Variants in LAIR1 observed in about 807,000 individuals in gnomAD.
The protein encoded by LAIR1 is leukocyte-associated immunoglobulin-like receptor 1.
LAIR1 carries 24 observed loss-of-function variants against 32.8 expected under a neutral mutation model. The observed-to-expected ratio is 0.73, with a 90% CI of 0.53 to 1.03. LAIR1 has a LOEUF of 1.03. Ranked by LOEUF, LAIR1 falls within the 50% of genes least tolerant of loss-of-function variation. The pLI is 0.00. For synonymous variants in LAIR1, 150 were observed against 140.5 expected (o/e 1.07, Z -0.48); for missense variants, 355 against 347.5 (o/e 1.02, Z -0.17).
At chr19:54,368,583 C>G (rs575874947), upstream of LAIR1, 12 of 152,324 alleles carry the variant, frequency 7.9e-5, no homozygotes, top group African/African-American at 2.9e-4. Flanking sequence ...AGCTGTGAAA[C>G]CACCAACATA....
Position 54,356,514 on chromosome 19 carries a change from T to C in LAIR1, c.560A>G (p.His187Arg). Residue 187 changes from histidine to arginine, a missense_variant, in exon 6 of 10, where the codon CAT (histidine) becomes CGT (arginine). Physicochemically the swap from His to Arg is conservative, Grantham distance 29 (BLOSUM62 0). Coordinates refer to ENST00000391742, the MANE Select transcript of LAIR1 (RefSeq NM_002287.6). ...CLLLLVLFCL[H>R]RQNQIKQGPP... ...ACCCTGCTTTATCTGATTCTGGCGA[T>C]GGAGGCAGAAGAGGACCAGGAGGAG... The C allele has an allele frequency of 5.0e-6, 8 of 1,613,772 alleles. No individual in the cohort carries two copies. The highest frequency in any genetic ancestry group is 5.9e-6 in the Non-Finnish European group (7 of 1,179,922).
chr19:54,361,112 T>C lies in LAIR1; in HGVS notation c.168A>G (p.Gln56=). The change falls in exon 3 of 10, where the codon CAA becomes CAG. Residue 56 remains glutamine, a synonymous_variant. Coordinates refer to ENST00000391742, the MANE Select transcript of LAIR1 (RefSeq NM_002287.6). Reference sequence around the variant, plus strand: ...TACTGTCCCTCTCCAGGCGGAATGTTTGAACCCCAACCGGGCCCCGGCACA... The same window carrying C: ...TACTGTCCCTCTCCAGGCGGAATGTCTGAACCCCAACCGGGCCCCGGCACA... ...TFVCRGPVGV[Q]TFRLERDSRS... is the part of the protein sequence containing the mutation. The C allele has an allele frequency of 1.2e-6, 2 of 1,614,198 alleles. No homozygotes were observed. Among genetic ancestry groups the C allele is most frequent in the Non-Finnish European group, 1.7e-6 (2 of 1,180,032 alleles).
chr19:54,355,856 C>T lies in LAIR1; in HGVS notation c.717+98G>A, dbSNP rs1428439492. The T allele has an allele frequency of 2.2e-5, 19 of 850,934 alleles. No homozygotes were observed. The highest frequency in any genetic ancestry group is 1.5e-4 in the South Asian group (11 of 73,030). 52.7% of individuals were successfully genotyped at this position (850,934 alleles called of 1,614,324 possible). ...CTCAGGACAGGCCGTGAGCCGGAAC[C>T]GCCCAGCTGAGCCACTCCTGAATTC... is the stretch of plus-strand genomic sequence containing the variant. On this transcript the variant is annotated intron_variant, in intron 9 of 9. Coordinates refer to ENST00000391742, the MANE Select transcript of LAIR1 (RefSeq NM_002287.6). The surrounding 1 kb of genome is among the most constrained non-coding windows in gnomAD (Gnocchi z 4.7).
intron 2 of LAIR1, among the ~76,000 whole-genome samples, chr19:54,362,770 G>A (rs1006575114): frequency 1.3e-5 from 2 of 152,190 alleles, no homozygotes; most frequent in African/African-American, 4.8e-5. Flanking sequence ...ACAGATGTGA[G>A]CCACCGCACC....
At chr19:54,376,067 G>A in the LAIR1 span, among the ~76,000 whole-genome samples, 7 of 151,642 alleles carry the variant, frequency 4.6e-5, no homozygotes, top group Non-Finnish European at 1.0e-4. Flanking sequence ...TCTGTTACCA[G>A]TGAGGGGAAA....
upstream of LAIR1, among the ~76,000 whole-genome samples, chr19:54,371,465 A>G (rs2082404205): frequency 6.6e-6 from 1 of 150,988 alleles, no homozygotes; most frequent in Non-Finnish European, 1.5e-5. Context: ...TACCCAGCTA[A>G]TTTTTGTATG....
chr19:54,370,694 C>T (rs191330514), upstream of LAIR1: 51 of 170,222 alleles, frequency 3.0e-4, 1 homozygote, highest in African/African-American at 1.2e-3. Context: ...TATACGTCTC[C>T]GATTTTACCC....
At position 54,355,182 on chromosome 19, in the gene LAIR1, C is replaced by G. The variant is rs929548414; in HGVS notation, c.*86G>C. Reference sequence around the variant, plus strand: ...CTGGCTTTCTAGATGAAGAGGAATCCAACAGGAAGCCTTCCAAATGGCTGC... The same window carrying G: ...CTGGCTTTCTAGATGAAGAGGAATCGAACAGGAAGCCTTCCAAATGGCTGC... On this transcript the variant is annotated 3_prime_UTR_variant, in exon 10 of 10. Coordinates refer to ENST00000391742, the MANE Select transcript of LAIR1 (RefSeq NM_002287.6). This position sits in a 1 kb window ranked among gnomAD's most constrained non-coding sequence, Gnocchi z 4.7. 4 of 1,310,888 alleles carry G rather than the reference C, an allele frequency of 3.1e-6. No individual in the cohort carries two copies. The highest frequency in any genetic ancestry group is 4.2e-6 in the Non-Finnish European group (4 of 955,166). 81.2% of individuals were successfully genotyped at this position (1,310,888 alleles called of 1,614,324 possible).
upstream of LAIR1, among the ~76,000 whole-genome samples, chr19:54,373,794 G>C (rs1465498392): frequency 6.6e-6 from 1 of 152,216 alleles, no homozygotes; most frequent in African/African-American, 2.4e-5. Context: ...CTCTGGGGCA[G>C]AATTTGAATT....
upstream of LAIR1, among the ~76,000 whole-genome samples, chr19:54,372,928 C>T (rs551638022): frequency 2.4e-4 from 36 of 151,256 alleles, 1 homozygote; most frequent in South Asian, 6.5e-3. Context: ...GTCAGGAGTT[C>T]GAGTCCAGCC....
rs2082155449 is a variant in LAIR1 at position 54,364,268 on chromosome 19, G to T, written c.70+27C>A. On this transcript the variant is annotated intron_variant, in intron 2 of 9. Coordinates refer to ENST00000391742, the MANE Select transcript of LAIR1 (RefSeq NM_002287.6). This position sits in a 1 kb window ranked among gnomAD's most constrained non-coding sequence, Gnocchi z 4.8. Reference sequence around the variant, plus strand: ...GCCCTTGGGGTGACAGAGGGGACTGGGAAGATGGGACGAAGGCATGACTTA... The same window carrying T: ...GCCCTTGGGGTGACAGAGGGGACTGTGAAGATGGGACGAAGGCATGACTTA... The T allele has an allele frequency of 6.2e-7, 1 of 1,606,268 alleles. No homozygotes were observed. The highest frequency in any genetic ancestry group is 1.3e-5 in the African/African-American group (1 of 74,540).
rs1054421125 is a variant in LAIR1, at chr19:54,353,511, G to A, written c.*1757C>T. The stretch of plus-strand genomic sequence containing the variant: ...TCATAATGTGGAGTCAGGAGCCTCA[G>A]GTGGGTCTGAAGCCCCTGTCTCTGA... On this transcript the variant is annotated 3_prime_UTR_variant, in exon 10 of 10. Transcript: ENST00000391742. 5 of 152,170 alleles carry A rather than the reference G, an allele frequency of 3.3e-5. No individual in the cohort carries two copies. Among genetic ancestry groups the A allele is most frequent in the Non-Finnish European group, 7.3e-5 (5 of 68,060 alleles). 9.4% of individuals were successfully genotyped at this position (152,170 alleles called of 1,614,324 possible). A position where few individuals can be genotyped will look rare whatever the true frequency, so the allele number is the denominator to read the frequency against.
chr19:54,373,978 A>G (rs2082461812), upstream of LAIR1, among the ~76,000 whole-genome samples: 1 of 152,152 alleles, frequency 6.6e-6, no homozygotes, highest in African/African-American at 2.4e-5. Flanking sequence ...TTGGCTATAA[A>G]TAGTGTTATG....
intron 2 of LAIR1, among the ~76,000 whole-genome samples, chr19:54,361,465 A>C (rs978620502): frequency 6.6e-6 from 1 of 151,868 alleles, no homozygotes; most frequent in Non-Finnish European, 1.5e-5. Context: ...GCTCAGGGTC[A>C]TGTGGGAAGT....
upstream of LAIR1, among the ~76,000 whole-genome samples, chr19:54,365,844 T>C (rs1185371095): frequency 1.3e-5 from 2 of 151,696 alleles, no homozygotes; most frequent in Admixed American, 1.3e-4. Flanking sequence ...ACTGCAGCAC[T>C]ATTCGCAATA....
rs200569333 is a variant in LAIR1 at position 54,356,962 on chromosome 19, G to C, written c.420C>G (p.Pro140=). The C allele has an allele frequency of 3.3e-4, 531 of 1,613,804 alleles. 1 individual carries two copies. Among genetic ancestry groups the C allele is most frequent in the Non-Finnish European group, 4.2e-4 (490 of 1,179,886 alleles). Residue 140 remains proline, a synonymous_variant, in exon 5 of 10, where the codon CCC becomes CCG. Transcript: ENST00000391742. ...PDTEPGSSAG[P]TQRPSDNSHN... ...GACTGTTGTCCGACGGCCTCTGCGT[G>C]GGTCCTGGGAGGGAGGAATCAGAAG...
At chr19:54,367,858 C>T (rs1385409422), upstream of LAIR1, among the ~76,000 whole-genome samples, 10 of 148,106 alleles carry the variant, frequency 6.8e-5, no homozygotes, top group South Asian at 4.3e-4. Context: ...CTGCAAGCTC[C>T]GCTTCCCGGG....
intron 5 of LAIR1, 121 bp from the exon 6 acceptor site, chr19:54,356,740 T>C: frequency 8.2e-7 from 1 of 1,215,598 alleles, no homozygotes; most frequent in Non-Finnish European, 1.2e-6. Context: ...AGGTAAATAA[T>C]AGTCCTGCAG....
At chr19:54,360,886 A>C in intron 3 of LAIR1, 30 bp downstream of exon 3, 1 of 1,595,708 alleles carries the variant, frequency 6.3e-7, no homozygotes, top group Non-Finnish European at 8.6e-7. Context: ...TCGAGCTGAG[A>C]CTGGGGCAGG....
Sources: gnomAD v4.1 joint callset for allele counts (sites outside exome capture counted in the v4.1 genomes callset) on GRCh38, gnomAD v4.1.1 for gene constraint, Gnocchi (gnomAD v3.1) non-coding constraint, MANE v1.5 for transcripts, NCBI Gene and HGNC (gene_info 2026-07-23, HGNC 2026-07-21) for gene names.